Variants in SNTA1 observed in about 807,000 individuals in gnomAD.
The protein encoded by SNTA1 is syntrophin alpha 1.
A neutral mutation model predicts 47.1 loss-of-function variants in SNTA1; 31 were observed. That is an observed-to-expected ratio of 0.66 (90% confidence interval 0.49 to 0.89). SNTA1 has a LOEUF of 0.89. Among genes scored for constraint, SNTA1 ranks in the 40% least tolerant of loss-of-function variants. The probability of loss-of-function intolerance (pLI) is 0.00; values close to 1 mark genes in which losing one functional copy is unlikely to be tolerated. For synonymous variants in SNTA1, 300 were observed against 313.6 expected, an observed-to-expected ratio of 0.96 and a Z score of 0.46; for missense variants, 575 against 693.0, an observed-to-expected ratio of 0.83 and a Z score of 1.91.
chr20:33,421,510 G>A (rs1232836611), intron 2 of SNTA1, among the ~76,000 whole-genome samples: 4 of 152,136 alleles, frequency 2.6e-5, no homozygotes, highest in Non-Finnish European at 4.4e-5. Flanking sequence ...TACTCAGGAG[G>A]CTGAGGCAGG....
Position 33,417,881 on chromosome 20 carries a change from G to A in SNTA1, c.539C>T (p.Thr180Ile). Residue 180 changes from threonine (T) to isoleucine (I), a missense_variant, in exon 3 of 8, where the codon ACT becomes ATT. Coordinates refer to ENST00000217381, the MANE Select transcript of SNTA1 (RefSeq NM_003098.3). ...GTCCCAGCCGACCGAGGTCCCACCA[G>A]TAGAGTTCTTGAAATACGGTGAGAC... is the stretch of plus-strand genomic sequence containing the variant. ...KDVSPYFKNS[T>I]GGTSVGWDSP... The A allele has an allele frequency of 1.2e-6, 2 of 1,614,164 alleles. No individual in the cohort carries two copies. The highest frequency in any genetic ancestry group is 1.7e-6 in the Non-Finnish European group (2 of 1,179,978).
intron 2 of SNTA1, among the ~76,000 whole-genome samples, chr20:33,426,126 T>A (rs907953299): frequency 6.6e-6 from 1 of 150,812 alleles, no homozygotes; most frequent in Non-Finnish European, 1.5e-5. Flanking sequence ...AAAATAGAAG[T>A]AAAATATATC....
At chr20:33,433,882 G>A (rs1735745884) in intron 2 of SNTA1, among the ~76,000 whole-genome samples, 1 of 152,172 alleles carries the variant, frequency 6.6e-6, no homozygotes, top group African/African-American at 2.4e-5. Context: ...AGGCAGGTTG[G>A]GGTTGCTGAG....
Position 33,438,990 on chromosome 20 carries a change from T to C in SNTA1, c.347A>G (p.Lys116Arg). ...GTCAGCTGCCAATCCCTTGAAGATCTTGGAAATGAGAATAGGCATCTTGTT... is the reference window on the plus strand; with the variant it reads ...GTCAGCTGCCAATCCCTTGAAGATCCTGGAAATGAGAATAGGCATCTTGTT... ...RENKMPILIS[K>R]IFKGLAADQT... is the part of the protein sequence containing the mutation. Residue 116 changes from lysine to arginine, a missense_variant, in exon 2 of 8, where the codon AAG (lysine) becomes AGG (arginine). Lys to Arg is a conservative substitution (Grantham distance 26). Transcript: ENST00000217381. The C allele has an allele frequency of 6.2e-7, 1 of 1,614,146 alleles. No homozygotes were observed. The highest frequency in any genetic ancestry group is 8.5e-7 in the Non-Finnish European group (1 of 1,180,020).
chr20:33,413,716 C>T (rs965273882), intron 3 of SNTA1, among the ~76,000 whole-genome samples: 16 of 151,300 alleles, frequency 1.1e-4, no homozygotes, highest in South Asian at 2.1e-4. Flanking sequence ...TGGCTTGAGC[C>T]CAGGAGTTCG....
intron 2 of SNTA1, among the ~76,000 whole-genome samples, chr20:33,429,074 G>A (rs1177711124): frequency 1.3e-5 from 2 of 151,732 alleles, no homozygotes; most frequent in Admixed American, 6.6e-5. Flanking sequence ...GGCCAGGCAC[G>A]GTGGCTTATG....
At chr20:33,409,114 G>C (rs2146755428) in intron 6 of SNTA1, among the ~76,000 whole-genome samples, 1 of 152,176 alleles carries the variant, frequency 6.6e-6, no homozygotes, top group Middle Eastern at 3.4e-3. Flanking sequence ...CAAGTAGAAA[G>C]GGGGAGCTTA....
At chr20:33,428,576 T>TTCC in intron 2 of SNTA1, among the ~76,000 whole-genome samples, 1 of 151,026 alleles carries the variant, frequency 6.6e-6, no homozygotes, top group Non-Finnish European at 1.5e-5. Flanking sequence ...CTCTCGTTGG[T>TTCC]AATTTTTTTT....
chr20:33,439,491 C>T (rs1422876782), intron 1 of SNTA1, among the ~76,000 whole-genome samples: 1 of 152,026 alleles, frequency 6.6e-6, no homozygotes, highest in Non-Finnish European at 1.5e-5. Context: ...GACCCTGTCT[C>T]AATAAATTAA....
chr20:33,426,421 A>C (rs1432988812), intron 2 of SNTA1, among the ~76,000 whole-genome samples: 9 of 150,068 alleles, frequency 6.0e-5, no homozygotes. Context: ...ACTGCACTCC[A>C]GCCAGGGTGA....
chr20:33,443,565 GC>G lies in SNTA1; in HGVS notation c.55del (p.Ala19ArgfsTer15). 2.3e-6 allele frequency: 3 copies of G among 1,322,372 alleles called. No individual in the cohort carries two copies. Among genetic ancestry groups the G allele is most frequent in the Non-Finnish European group, 1.9e-6 (2 of 1,028,650 alleles). 81.9% of individuals were successfully genotyped at this position (1,322,372 alleles called of 1,614,324 possible). A position where few individuals can be genotyped will look rare whatever the true frequency, so the allele number is the denominator to read the frequency against. ...TCGCTCGCCGCCGGCCCCCGAGCCCGCCCCGGCGCGCAGCTCCAGCAGCCCG... is the reference window on the plus strand; with the variant it reads ...TCGCTCGCCGCCGGCCCCCGAGCCCGCCCGGCGCGCAGCTCCAGCAGCCCG... ...RTGLLELRAG[A>X]GSGAGGERWQ... On this transcript the variant is annotated frameshift_variant, in exon 1 of 8. Coordinates refer to ENST00000217381, the MANE Select transcript of SNTA1 (RefSeq NM_003098.3). LOFTEE classifies it high-confidence loss of function.
rs191070301 is a variant in SNTA1 at position 33,424,888 on chromosome 20, G to A, written c.497-6965C>T. ...TCCCAGCACTTTGGGGGGCCGACGC[G>A]GGCAGATCACAAGGTCAAGAGATTA... On this transcript the variant is annotated intron_variant, in intron 2 of 7. Transcript: ENST00000217381. Among the ~76,000 whole-genome samples, 614 of 151,422 alleles carry A rather than the reference G, an allele frequency of 4.1e-3. 3 individuals carry two copies. The highest frequency in any genetic ancestry group is 6.0e-3 in the Non-Finnish European group (409 of 67,812).
intron 3 of SNTA1, among the ~76,000 whole-genome samples, chr20:33,417,315 C>T (rs987993207): frequency 4.6e-5 from 7 of 152,072 alleles, no homozygotes; most frequent in Non-Finnish European, 8.8e-5. Context: ...AGGATGTAAC[C>T]TTCCATGGCC....
At position 33,417,729 on chromosome 20, in the gene SNTA1, G is replaced by A. The variant is rs1989909734; in HGVS notation, c.691C>T (p.Pro231Ser). ...CAACCCCAGCCTTACCTGGGCTCCG[G>A]GTCATTGGGGGTGCACCTCTTCGAG... The part of the protein sequence containing the change: ...YVSKRCTPND[P>S]EPRYLEICSA... The change falls in exon 3 of 8, where the codon CCG (proline) becomes TCG (serine). Residue 231 changes from proline to serine, a missense_variant. Coordinates refer to ENST00000217381, the MANE Select transcript of SNTA1 (RefSeq NM_003098.3). 6.2e-7 allele frequency: 1 copy of A among 1,613,612 alleles called. No individual in the cohort carries two copies. The highest frequency in any genetic ancestry group is 1.3e-5 in the African/African-American group (1 of 74,892).
At chr20:33,438,007 A>T (rs1178867100) in intron 2 of SNTA1, among the ~76,000 whole-genome samples, 1 of 152,220 alleles carries the variant, frequency 6.6e-6, no homozygotes, top group East Asian at 1.9e-4. Flanking sequence ...CCTACTCTAT[A>T]AAAGCCAAGG....
chr20:33,409,272 A>G (rs1027543629), intron 6 of SNTA1, among the ~76,000 whole-genome samples: 2 of 152,186 alleles, frequency 1.3e-5, no homozygotes, highest in African/African-American at 2.4e-5. Context: ...TGAAAAAAGT[A>G]TTCATTGTTA....
At chr20:33,430,327 C>T (rs186266106) in intron 2 of SNTA1, among the ~76,000 whole-genome samples, 46 of 133,058 alleles carry the variant, frequency 3.5e-4, no homozygotes, top group African/African-American at 1.1e-3. Context: ...CTCACTCTGT[C>T]GCCCAGGCTG....
intron 2 of SNTA1, among the ~76,000 whole-genome samples, chr20:33,419,934 T>A (rs1249345552): frequency 6.6e-6 from 1 of 151,848 alleles, no homozygotes; most frequent in Non-Finnish European, 1.5e-5. Flanking sequence ...TTTTTCTTTC[T>A]TTTTTTTGTG....
chr20:33,442,861 A>G (rs1364279268), intron 1 of SNTA1, among the ~76,000 whole-genome samples: 1 of 151,782 alleles, frequency 6.6e-6, no homozygotes, highest in Admixed American at 6.6e-5. Context: ...CAGGCCTCCT[A>G]TCCACCCCTG....
Sources: gnomAD v4.1 joint callset for allele counts (sites outside exome capture counted in the v4.1 genomes callset) on GRCh38, gnomAD v4.1.1 for gene constraint, MANE v1.5 for transcripts, NCBI Gene and HGNC (gene_info 2026-07-23, HGNC 2026-07-21) for gene names.